The following MAGI1 variants were observed in gnomAD, a reference collection of about 807,000 sequenced individuals.
MAGI1 encodes membrane-associated guanylate kinase, WW and PDZ domain-containing protein 1.
A neutral mutation model predicts 139.9 loss-of-function variants in MAGI1; 58 were observed. That is an observed-to-expected ratio of 0.41 (90% confidence interval 0.34 to 0.52). MAGI1 has a LOEUF of 0.52. Ranked by LOEUF, MAGI1 falls within the 20% of genes least tolerant of loss-of-function variation. MAGI1 has a pLI of 0.12. For synonymous variants in MAGI1, 812 were observed against 737.9 expected (o/e 1.10, Z -1.63); for missense variants, 1,874 against 1,901.6 (o/e 0.99, Z 0.27).
intron 2 of MAGI1, among the ~76,000 whole-genome samples, chr3:65,600,075 C>A (rs944661232): frequency 5.9e-5 from 9 of 152,156 alleles, no homozygotes; most frequent in Non-Finnish European, 1.0e-4. Flanking sequence ...AAAAGAAAAG[C>A]AGATACTACA....
chr3:65,929,583 T>C (rs1489085334), intron 1 of MAGI1, among the ~76,000 whole-genome samples: 1 of 152,092 alleles, frequency 6.6e-6, no homozygotes, highest in African/African-American at 2.4e-5. Flanking sequence ...TCCACCCACC[T>C]CGGCCTCCCA....
At chr3:65,516,718 C>CTTTTTT (rs71102867) in intron 2 of MAGI1, among the ~76,000 whole-genome samples, 1,002 of 66,984 alleles carry the variant, frequency 0.015, 162 homozygotes, top group East Asian at 0.029. Flanking sequence ...CATCCCACCT[C>CTTTTTT]TTTTTTTTTT....
intron 1 of MAGI1, among the ~76,000 whole-genome samples, chr3:65,839,403 C>G (rs77118657): frequency 6.6e-6 from 1 of 151,726 alleles, no homozygotes; most frequent in African/African-American, 2.4e-5. Context: ...TGTATTCCTT[C>G]GACTTTTTTT....
chr3:65,512,691 G>T (rs1317347175), intron 2 of MAGI1, among the ~76,000 whole-genome samples: 1 of 149,080 alleles, frequency 6.7e-6, no homozygotes, highest in Non-Finnish European at 1.5e-5. Flanking sequence ...AAGAGTCCAG[G>T]ACCAGATGGA....
At chr3:66,019,581 A>G (rs2067853642) in intron 1 of MAGI1, among the ~76,000 whole-genome samples, 1 of 152,222 alleles carries the variant, frequency 6.6e-6, no homozygotes, top group Admixed American at 6.5e-5. Flanking sequence ...CATCACTAAA[A>G]TGGGTTAAAT....
intron 1 of MAGI1, among the ~76,000 whole-genome samples, chr3:65,771,684 A>C (rs2037965949): frequency 6.6e-6 from 1 of 152,294 alleles, no homozygotes; most frequent in East Asian, 1.9e-4. Context: ...CAGCACAAAA[A>C]ATTTTGAAAC....
chr3:66,038,089 G>C lies in MAGI1; in HGVS notation c.220C>G (p.Gln74Glu). The change falls in exon 1 of 23, where the codon CAG becomes GAG. Residue 74 changes from glutamine to glutamate, a missense_variant. Physicochemically the swap from Gln to Glu is conservative, Grantham distance 29. Coordinates refer to ENST00000402939, the MANE Select transcript of MAGI1 (RefSeq NM_001033057.2). ...GGCAAGCCGGACACCCGGACCCCCTGCACCTCCAGAAGCAGCTCCCCTTCG... is the reference window on the plus strand; with the variant it reads ...GGCAAGCCGGACACCCGGACCCCCTCCACCTCCAGAAGCAGCTCCCCTTCG... The part of the protein sequence containing the change: ...LGEGELLLEV[Q>E]GVRVSGLPRY... 1 of 1,613,032 alleles carries C rather than the reference G, an allele frequency of 6.2e-7. No homozygotes were observed.
intron 1 of MAGI1, chr3:66,008,856 A>C (rs2067172253): frequency 6.6e-6 from 1 of 152,370 alleles, no homozygotes; most frequent in Admixed American, 6.5e-5. Flanking sequence ...GTAGCTCTAA[A>C]TACTTTGATC....
Position 65,503,689 on chromosome 3 carries a change from C to T in MAGI1, c.431-10058G>A, listed in dbSNP as rs1177842728. Among the ~76,000 whole-genome samples, 3 of 152,186 alleles carry T rather than the reference C, an allele frequency of 2.0e-5. No individual in the cohort carries two copies. The East Asian group carries it at 5.8e-4, about 29-fold the overall frequency. On this transcript the variant is annotated intron_variant, in intron 2 of 22. Transcript: ENST00000402939. ...TGGAATCTCGTTTTAAAAACCACAC[C>T]TACAATACTTGAAATAAATAAGGAC...
chr3:65,828,039 G>T (rs2042325336), intron 1 of MAGI1, among the ~76,000 whole-genome samples: 1 of 152,172 alleles, frequency 6.6e-6, no homozygotes, highest in Non-Finnish European at 1.5e-5. Context: ...AACTAGAGTT[G>T]ATTTTATAAG....
chr3:65,621,644 C>A (rs948915500), intron 2 of MAGI1, among the ~76,000 whole-genome samples: 1 of 152,090 alleles, frequency 6.6e-6, no homozygotes, highest in African/African-American at 2.4e-5. Flanking sequence ...CACACCATTA[C>A]CTTAGAAAAT....
intron 1 of MAGI1, among the ~76,000 whole-genome samples, chr3:65,723,721 A>G (rs1227167667): frequency 6.6e-6 from 1 of 152,238 alleles, no homozygotes; most frequent in African/African-American, 2.4e-5. Context: ...TCAGAAAGTT[A>G]ACAACAACAA....
intron 1 of MAGI1, among the ~76,000 whole-genome samples, chr3:66,017,653 C>G (rs73833348): frequency 6.6e-6 from 1 of 152,218 alleles, no homozygotes; most frequent in Admixed American, 6.5e-5. Context: ...CTTCACAGCA[C>G]GTGCTAAGGA....
At chr3:65,763,817 T>C (rs1174205889) in intron 1 of MAGI1, among the ~76,000 whole-genome samples, 1 of 151,620 alleles carries the variant, frequency 6.6e-6, no homozygotes, top group Non-Finnish European at 1.5e-5. Flanking sequence ...ATATCTGTAA[T>C]CCCAGCACTT....
intron 17 of MAGI1, 29 bp downstream of exon 17, chr3:65,379,232 C>T (rs1305828713): frequency 6.2e-7 from 1 of 1,608,606 alleles, no homozygotes; most frequent in Non-Finnish European, 8.5e-7. Context: ...TGGTGGGAAA[C>T]CCTGGGTAAT....
At chr3:65,463,179 C>T (rs545410144) in intron 5 of MAGI1, among the ~76,000 whole-genome samples, 17 of 152,252 alleles carry the variant, frequency 1.1e-4, no homozygotes, top group African/African-American at 3.9e-4. Flanking sequence ...TTGTCTTGTG[C>T]CAGTTTCAAC....
intron 1 of MAGI1, among the ~76,000 whole-genome samples, chr3:65,885,307 G>A (rs9865646): frequency 0.015 from 2,319 of 151,684 alleles, 55 homozygotes; most frequent in African/African-American, 0.047. Flanking sequence ...TAAGCCAGGA[G>A]AATCACTTGA....
intron 10 of MAGI1, among the ~76,000 whole-genome samples, chr3:65,434,971 T>C (rs1419839905): frequency 6.6e-6 from 1 of 152,130 alleles, no homozygotes; most frequent in East Asian, 1.9e-4. Flanking sequence ...GGCTAATTCT[T>C]ACAAGAGGAA....
intron 1 of MAGI1, among the ~76,000 whole-genome samples, chr3:65,802,972 C>T (rs1377498070): frequency 6.6e-6 from 1 of 151,776 alleles, no homozygotes; most frequent in Non-Finnish European, 1.5e-5. Flanking sequence ...CTGATAAAGA[C>T]ATCCATGTAA....
Sources: allele counts gnomAD v4.1 joint callset (sites outside exome capture counted in the v4.1 genomes callset), GRCh38; gene constraint gnomAD v4.1.1; transcripts MANE v1.5; gene names NCBI Gene and HGNC (gene_info 2026-07-23, HGNC 2026-07-21).